Variants in GDPD1 observed in about 807,000 individuals in gnomAD.
GDPD1 encodes glycerophosphodiester phosphodiesterase domain containing 1.
GDPD1 carries 28 observed loss-of-function variants against 45.1 expected under a neutral mutation model. That is an observed-to-expected ratio of 0.62 (90% CI 0.46 to 0.85). The LOEUF (loss-of-function observed/expected upper bound fraction) is 0.85, where lower values mean the gene tolerates loss of function less well. Among genes scored for constraint, GDPD1 ranks in the 40% least tolerant of loss-of-function variants. The pLI is 0.00. For missense variants in GDPD1, 256 were observed against 364.8 expected (o/e 0.70, Z 2.43); for synonymous variants, 139 against 131.4 (o/e 1.06, Z -0.40).
chr17:59,238,286 AG>A (rs2047149607), intron 2 of GDPD1, among the ~76,000 whole-genome samples: 3 of 151,264 alleles, frequency 2.0e-5, no homozygotes, highest in African/African-American at 7.3e-5. Flanking sequence ...AAAAAAAAAA[AG>A]AAGTAATTAA....
At chr17:59,247,909 G>A (rs2047224684) in intron 3 of GDPD1, among the ~76,000 whole-genome samples, 1 of 151,744 alleles carries the variant, frequency 6.6e-6, no homozygotes, top group Admixed American at 6.6e-5. Context: ...GGATTATAGG[G>A]GTGAGCCACT....
intron 6 of GDPD1, among the ~76,000 whole-genome samples, chr17:59,266,116 G>T (rs2047397129): frequency 6.6e-6 from 1 of 152,054 alleles, no homozygotes; most frequent in Non-Finnish European, 1.5e-5. Context: ...GGCTGGTGCG[G>T]TGGCTCACAC....
At chr17:59,257,636 CA>C (rs367660324) in intron 5 of GDPD1, 114 bp from the exon 6 acceptor site, 20 of 651,196 alleles carry the variant, frequency 3.1e-5, no homozygotes, top group African/African-American at 1.9e-4. Flanking sequence ...TTGATTCTTC[CA>C]AAAGTTATGC....
At chr17:59,263,579 A>AG (rs1345680127) in intron 6 of GDPD1, among the ~76,000 whole-genome samples, 1 of 137,384 alleles carries the variant, frequency 7.3e-6, no homozygotes, top group Non-Finnish European at 1.5e-5. Context: ...CCCGGGTTCA[A>AG]GCGATTCTCC....
intron 1 of GDPD1, among the ~76,000 whole-genome samples, chr17:59,232,726 C>T (rs1363811680): frequency 6.6e-6 from 1 of 152,060 alleles, no homozygotes; most frequent in Non-Finnish European, 1.5e-5. Flanking sequence ...AAATCATGTT[C>T]TTTTATAAAA....
At chr17:59,266,091 T>A (rs1055462681) in intron 6 of GDPD1, among the ~76,000 whole-genome samples, 4 of 151,556 alleles carry the variant, frequency 2.6e-5, no homozygotes, top group African/African-American at 9.7e-5. Flanking sequence ...AAAAAATGAT[T>A]AAGATCTTAA....
Position 59,275,129 on chromosome 17 carries a change from A to G in GDPD1, c.*1356A>G, listed in dbSNP as rs999270708. The G allele has an allele frequency of 3.2e-5, 49 of 1,534,054 alleles. No individual in the cohort carries two copies. The African/African-American group carries it at 4.5e-4, about 14-fold the overall frequency. On this transcript the variant is annotated 3_prime_UTR_variant, in exon 10 of 10. Transcript: ENST00000284116. ...AGTGCTGGGATTACAGGTTTGAACC[A>G]CTGCACCCGGCCAGTAAAAGAAATT... is the stretch of plus-strand genomic sequence containing the variant.
At chr17:59,223,197 CTT>C (rs2047019615) in intron 1 of GDPD1, among the ~76,000 whole-genome samples, 1 of 152,142 alleles carries the variant, frequency 6.6e-6, no homozygotes, top group Non-Finnish European at 1.5e-5. Context: ...AATATTACCT[CTT>C]ATATAAAAAT....
At chr17:59,237,921 T>A (rs1377766631) in intron 2 of GDPD1, among the ~76,000 whole-genome samples, 1 of 134,698 alleles carries the variant, frequency 7.4e-6, no homozygotes, top group Admixed American at 8.2e-5. Flanking sequence ...AATTTAAAAA[T>A]TAGCTGGGCA....
rs1186806291 is a variant in GDPD1 at position 59,267,178 on chromosome 17, A to C, written c.710+4A>C. On this transcript the variant is annotated splice_donor_region_variant and intron_variant, in intron 7 of 9. Transcript: ENST00000284116. ...CAATGCCTTCTATTATACTGAAGTA[A>C]GTGGTTACCCTTTTATTTTAAAATC... 5.6e-6 allele frequency: 9 copies of C among 1,609,180 alleles called. No individual in the cohort carries two copies. The highest frequency in any genetic ancestry group is 1.3e-5 in the African/African-American group (1 of 74,664).
intron 2 of GDPD1, 36 bp from the exon 3 acceptor site, chr17:59,245,378 T>A (rs766995546): frequency 1.9e-6 from 3 of 1,581,926 alleles, no homozygotes; most frequent in Non-Finnish European, 2.6e-6. Flanking sequence ...AATGTATACT[T>A]AAGTGTCAGA....
chr17:59,273,461 T>C (rs191659933), intron 9 of GDPD1, among the ~76,000 whole-genome samples, 190 bp from the exon 10 acceptor site: 26 of 152,272 alleles, frequency 1.7e-4, no homozygotes, highest in Admixed American at 1.7e-3. Flanking sequence ...ACCATGAATT[T>C]TTTTTTAACA....
At chr17:59,255,809 A>ATATC (rs2047298691) in intron 4 of GDPD1, among the ~76,000 whole-genome samples, 1 of 103,820 alleles carries the variant, frequency 9.6e-6, no homozygotes, top group East Asian at 2.5e-4. Flanking sequence ...ATATATATAT[A>ATATC]TACGCGTATA....
Position 59,273,788 on chromosome 17 carries a change from A to G in GDPD1, c.*15A>G. The G allele has an allele frequency of 1.9e-6, 3 of 1,550,758 alleles. No individual in the cohort carries two copies. Among genetic ancestry groups the G allele is most frequent in the Non-Finnish European group, 2.6e-6 (3 of 1,153,658 alleles). ...TTTCAGCATAGAAAAAGAGGTACTT[A>G]GAAGTATTGAAGGAAAAAATGAAGA... On this transcript the variant is annotated 3_prime_UTR_variant, in exon 10 of 10. Transcript: ENST00000284116.
chr17:59,264,646 T>C (rs1463974794), intron 6 of GDPD1, among the ~76,000 whole-genome samples: 1 of 152,028 alleles, frequency 6.6e-6, no homozygotes, highest in Non-Finnish European at 1.5e-5. Context: ...CTGTTATCCT[T>C]AGTGTATGAT....
chr17:59,227,381 T>C (rs2047055266), intron 1 of GDPD1, among the ~76,000 whole-genome samples: 2 of 151,556 alleles, frequency 1.3e-5, no homozygotes, highest in South Asian at 4.1e-4. Flanking sequence ...ATTGCACCAC[T>C]GCACTCCAGC....
At chr17:59,222,800 A>T (rs979091370) in intron 1 of GDPD1, among the ~76,000 whole-genome samples, 43 of 152,064 alleles carry the variant, frequency 2.8e-4, no homozygotes, top group Admixed American at 1.6e-3. Flanking sequence ...CAGGCGTGAG[A>T]CACTGCACCC....
At chr17:59,246,204 C>CAA (rs898742310) in intron 3 of GDPD1, among the ~76,000 whole-genome samples, 1 of 151,824 alleles carries the variant, frequency 6.6e-6, no homozygotes, top group African/African-American at 2.4e-5. Context: ...ATGTTACTGC[C>CAA]AAAAAAACAC....
At chr17:59,232,699 A>C (rs2047100668) in intron 1 of GDPD1, among the ~76,000 whole-genome samples, 1 of 152,196 alleles carries the variant, frequency 6.6e-6, no homozygotes, top group Non-Finnish European at 1.5e-5. Context: ...AGCAGGGTGC[A>C]TTTATAACAG....
Sources: allele counts gnomAD v4.1 joint callset (sites outside exome capture counted in the v4.1 genomes callset), GRCh38; gene constraint gnomAD v4.1.1; transcripts MANE v1.5; gene names NCBI Gene and HGNC (gene_info 2026-07-23, HGNC 2026-07-21).